PARD6G: variants seen among roughly 807,000 people sequenced by gnomAD.
The protein encoded by PARD6G is par-6 family cell polarity regulator gamma.
PARD6G carries 7 observed loss-of-function variants against 10.7 expected under a neutral mutation model. The observed-to-expected ratio is 0.66, with a 90% CI of 0.37 to 1.23. The LOEUF (loss-of-function observed/expected upper bound fraction) is 1.23, where lower values mean the gene tolerates loss of function less well. Among genes scored for constraint, PARD6G ranks in the 50% most tolerant of loss-of-function variants. PARD6G has a pLI of 0.02. For missense variants in PARD6G, 548 were observed against 571.8 expected (o/e 0.96, Z 0.42); for synonymous variants, 287 against 269.4 (o/e 1.07, Z -0.64).
Position 80,183,547 on chromosome 18 carries a change from C to CTCTCTCTCCAAGT in PARD6G, c.295+19150_295+19162dup, listed in dbSNP as rs529975739. On this transcript the variant is annotated intron_variant, in intron 2 of 2. Coordinates refer to ENST00000353265, the MANE Select transcript of PARD6G (RefSeq NM_032510.4). The surrounding 1 kb of genome is among the most constrained non-coding windows in gnomAD (Gnocchi z 4.5). ...CCCCAGCTCGAGCACTGTGCGGCCA[C>CTCTCTCTCCAAGT]TCTCTCTCCAAGTACTCTCTGCCCG... 3.8e-3 allele frequency: 729 copies of CTCTCTCTCCAAGT among 190,054 alleles called. 7 individuals carry two copies. Among genetic ancestry groups the CTCTCTCTCCAAGT allele is most frequent in the African/African-American group, 0.016 (689 of 42,704 alleles). 11.8% of individuals were successfully genotyped at this position (190,054 alleles called of 1,614,324 possible).
At chr18:80,221,466 C>T (rs1427541392) in intron 1 of PARD6G, among the ~76,000 whole-genome samples, 1 of 152,058 alleles carries the variant, frequency 6.6e-6, no homozygotes, top group Non-Finnish European at 1.5e-5. Context: ...ATGATCATGT[C>T]AATAGATACA....
Position 80,160,633 on chromosome 18 carries a change from G to T in PARD6G, c.296-27C>A, listed in dbSNP as rs892645145. 19 of 1,432,732 alleles carry T rather than the reference G, an allele frequency of 1.3e-5. No individual in the cohort carries two copies. The South Asian group carries it at 2.5e-4, about 19-fold the overall frequency. 88.8% of individuals were successfully genotyped at this position (1,432,732 alleles called of 1,614,324 possible). On this transcript the variant is annotated intron_variant, in intron 2 of 2. Transcript: ENST00000353265. ...TGCGGGAGAGGGGACAGTTAGAGGG[G>T]ACACACAACCGAGCCCCGCCTGAGC...
intron 1 of PARD6G, among the ~76,000 whole-genome samples, chr18:80,216,004 T>C (rs1052621878): frequency 4.6e-5 from 7 of 152,150 alleles, no homozygotes; most frequent in East Asian, 1.9e-4. Context: ...CAAAATAGAC[T>C]TTAATGCAAG....
In PARD6G at chr18:80,246,688, T is replaced by C. The variant is rs1255947919; in HGVS notation, c.72+589A>G. 7.2e-6 allele frequency among the ~76,000 whole-genome samples: 1 copy of C among 139,384 alleles called. No homozygotes were observed. Among genetic ancestry groups the C allele is most frequent in the Non-Finnish European group, 1.6e-5 (1 of 64,134 alleles). 91.4% of individuals were successfully genotyped at this position (139,384 alleles called of 152,430 possible). ...CGCCCGGGGAGGCGTGGTCTGGGTCTGGGCCGGGGGAGAGCCGGGTGCGTG... is the reference window on the plus strand; with the variant it reads ...CGCCCGGGGAGGCGTGGTCTGGGTCCGGGCCGGGGGAGAGCCGGGTGCGTG... On this transcript the variant is annotated intron_variant, in intron 1 of 2. Transcript: ENST00000353265. The surrounding 1 kb of genome is among the most constrained non-coding windows in gnomAD (Gnocchi z 6.7).
rs898631866 is a variant in PARD6G at position 80,184,620 on chromosome 18, G to A, written c.295+18090C>T. On this transcript the variant is annotated intron_variant, in intron 2 of 2. Transcript: ENST00000353265. The surrounding 1 kb of genome is among the most constrained non-coding windows in gnomAD (Gnocchi z 4.5). ...CGCGGAAACAGGCCATGACACGGAC[G>A]AGCCACACCATGGATGACCCCACGG... is the stretch of plus-strand genomic sequence containing the variant. 2 of 152,456 alleles carry A rather than the reference G, an allele frequency of 1.3e-5. No homozygotes were observed. Among genetic ancestry groups the A allele is most frequent in the South Asian group, 2.1e-4 (1 of 4,832 alleles). The allele number at this position is 152,456 out of a possible 1,614,324, so 9.4% of individuals were successfully genotyped here.
chr18:80,238,257 T>C (rs1450470836), intron 1 of PARD6G, among the ~76,000 whole-genome samples: 2 of 152,008 alleles, frequency 1.3e-5, no homozygotes, highest in South Asian at 2.1e-4. Flanking sequence ...AACCAAACAC[T>C]GCATGTTCTC....
Position 80,160,124 on chromosome 18 carries a change from C to A in PARD6G, c.778G>T (p.Gly260Cys), listed in dbSNP as rs766122618. 6.2e-7 allele frequency: 1 copy of A among 1,612,096 alleles called. No individual in the cohort carries two copies. The change falls in exon 3 of 3, where the codon GGC becomes TGC. Residue 260 changes from glycine to cysteine, a missense_variant. This residue lies in a region of PARD6G where 313 missense variants were observed against 279.9 expected (regional missense o/e 1.12). Coordinates refer to ENST00000353265, the MANE Select transcript of PARD6G (RefSeq NM_032510.4). Reference protein sequence around the residue: ...ANQRNNVVRGGRALGSSGPPS... With the variant: ...ANQRNNVVRGCRALGSSGPPS... ...GGTCCCGAGCTGCCCAACGCGCGGC[C>A]GCCGCGCACCACGTTGTTGCGCTGG...
At chr18:80,243,331 G>C (rs1473894209) in intron 1 of PARD6G, among the ~76,000 whole-genome samples, 2 of 152,142 alleles carry the variant, frequency 1.3e-5, no homozygotes, top group Non-Finnish European at 2.9e-5. Flanking sequence ...TAGAGGGGAA[G>C]CCGGCTACAC....
rs3051500 is a variant in PARD6G, at chr18:80,168,573, T to TTGTGTGTG, written c.296-7975_296-7968dup. 2.1e-3 allele frequency among the ~76,000 whole-genome samples: 307 copies of TTGTGTGTG among 144,420 alleles called. 3 individuals are homozygous for TTGTGTGTG. Among genetic ancestry groups the TTGTGTGTG allele is most frequent in the East Asian group, 0.01 (49 of 4,878 alleles). 94.7% of individuals were successfully genotyped at this position (144,420 alleles called of 152,430 possible). A position where few individuals can be genotyped will look rare whatever the true frequency, so the allele number is the denominator to read the frequency against. On this transcript the variant is annotated intron_variant, in intron 2 of 2. Transcript: ENST00000353265. ...TATCCTGTTTTCAGTCAAATTATGT[T>TTGTGTGTG]TGTGTGTGTGTGTGTGTGTGTGTGT...
Position 80,200,711 on chromosome 18 carries a change from T to C in PARD6G, c.295+1999A>G, listed in dbSNP as rs1320865014. On this transcript the variant is annotated intron_variant, in intron 2 of 2. Transcript: ENST00000353265. This position sits in a 1 kb window ranked among gnomAD's most constrained non-coding sequence, Gnocchi z 4.4. ...GGGCAGAGGAAGAAGGAAAAATAAA[T>C]GATGAAGACTGAACACAGGGCCCCA... Among the ~76,000 whole-genome samples the C allele has an allele frequency of 2.6e-5, 4 of 152,010 alleles. No individual in the cohort carries two copies. The highest frequency in any genetic ancestry group is 9.7e-5 in the African/African-American group (4 of 41,388).
intron 2 of PARD6G, among the ~76,000 whole-genome samples, chr18:80,196,483 A>G: frequency 6.6e-6 from 1 of 152,386 alleles, no homozygotes; most frequent in East Asian, 1.9e-4. Flanking sequence ...GATAATCCAA[A>G]TTATAAATAC....
intron 2 of PARD6G, among the ~76,000 whole-genome samples, chr18:80,196,696 G>A (rs1050260595): frequency 2.0e-5 from 3 of 152,036 alleles, no homozygotes; most frequent in Non-Finnish European, 4.4e-5. Flanking sequence ...TGCAGGGCTC[G>A]GCTTCATGTG....
At position 80,160,218 on chromosome 18, in the gene PARD6G, C is replaced by T. The variant is rs764756366; in HGVS notation, c.684G>A (p.Thr228=). ...TCATCATGTCCGTGACCTGGTCCAG[C>T]GTCTTCCCGGCCACCTCAATGCCGT... is the stretch of plus-strand genomic sequence containing the variant. ...EVNGIEVAGK[T]LDQVTDMMIA... is the part of the protein sequence containing the mutation. The change falls in exon 3 of 3, where the codon ACG becomes ACA. Residue 228 remains threonine, a synonymous_variant. Coordinates refer to ENST00000353265, the MANE Select transcript of PARD6G (RefSeq NM_032510.4). 5 of 1,613,054 alleles carry T rather than the reference C, an allele frequency of 3.1e-6. No homozygotes were observed. In the African/African-American group the frequency reaches 5.3e-5, roughly 17 times the overall value.
intron 2 of PARD6G, among the ~76,000 whole-genome samples, chr18:80,186,948 A>T (rs35666724): frequency 0.18 from 27,098 of 151,892 alleles, 2,858 homozygotes; most frequent in African/African-American, 0.28. Context: ...AATACAAAGA[A>T]ATTAGCCGGG....
At chr18:80,164,590 A>AAAT (rs2052722919) in intron 2 of PARD6G, among the ~76,000 whole-genome samples, 1 of 152,242 alleles carries the variant, frequency 6.6e-6, no homozygotes, top group African/African-American at 2.4e-5. Flanking sequence ...CAATAATGTA[A>AAAT]AATATAATCC....
intron 1 of PARD6G, among the ~76,000 whole-genome samples, chr18:80,218,984 A>C (rs1341272275): frequency 6.6e-6 from 1 of 152,220 alleles, no homozygotes; most frequent in Non-Finnish European, 1.5e-5. Flanking sequence ...GACACAGGGC[A>C]CCAAGTGCCA....
chr18:80,229,268 T>A (rs1967332481), intron 1 of PARD6G, among the ~76,000 whole-genome samples: 1 of 152,174 alleles, frequency 6.6e-6, no homozygotes, highest in African/African-American at 2.4e-5. Context: ...ATTTAAGGGC[T>A]CAAGGAAGCC....
At chr18:80,198,229 C>T (rs1225014965) in intron 2 of PARD6G, among the ~76,000 whole-genome samples, 1 of 152,164 alleles carries the variant, frequency 6.6e-6, no homozygotes, top group African/African-American at 2.4e-5. Flanking sequence ...GCAAGTGGGG[C>T]TCTTAACCTG....
intron 1 of PARD6G, among the ~76,000 whole-genome samples, chr18:80,224,334 CT>C (rs1967263602): frequency 6.6e-6 from 1 of 152,170 alleles, no homozygotes; most frequent in Non-Finnish European, 1.5e-5. Flanking sequence ...ATGAATGACT[CT>C]AGAAGGTATG....
Sources: gnomAD v4.1 joint callset for allele counts (sites outside exome capture counted in the v4.1 genomes callset) on GRCh38, gnomAD v4.1.1 for gene constraint, gnomAD v4.1.1 regional missense constraint, Gnocchi (gnomAD v3.1) non-coding constraint, MANE v1.5 for transcripts, NCBI Gene and HGNC (gene_info 2026-07-23, HGNC 2026-07-21) for gene names.